Variants in GABRQ observed in about 807,000 individuals in gnomAD.
The protein encoded by GABRQ is gamma-aminobutyric acid type A receptor subunit theta.
Under a neutral mutation model 30.5 loss-of-function variants are expected in GABRQ, and 19 were observed. That is an observed-to-expected ratio of 0.62 (90% confidence interval 0.43 to 0.91). The LOEUF is 0.91. Among genes scored for constraint, GABRQ ranks in the 40% least tolerant of loss-of-function variants. GABRQ has a pLI of 0.00. For missense variants in GABRQ, 520 were observed against 521.4 expected (o/e 1.00, Z 0.03); for synonymous variants, 187 against 210.2 (o/e 0.89, Z 0.95).
downstream of GABRQ, among the ~76,000 whole-genome samples, chrX:152,658,274 G>T (rs186769209): frequency 2.3e-3 from 252 of 111,685 alleles, no homozygotes; most frequent in African/African-American, 7.6e-3. Flanking sequence ...CCCAGGCTAG[G>T]TGCTCAAAGC....
At position 152,654,371 on chromosome X, in the gene GABRQ, A is replaced by G. The variant is rs1335851818; in HGVS notation, c.*1090A>G. On this transcript the variant is annotated 3_prime_UTR_variant, in exon 9 of 9. Transcript: ENST00000598523. Reference sequence around the variant, plus strand: ...GAGCCTCACAGGAGCCCTGTAAGCCAGGGAAGGCAAAGCACATTGTCCCCA... The same window carrying G: ...GAGCCTCACAGGAGCCCTGTAAGCCGGGGAAGGCAAAGCACATTGTCCCCA... The G allele has an allele frequency of 1.8e-5, 2 of 112,196 alleles. No homozygotes were observed. Among genetic ancestry groups the G allele is most frequent in the African/African-American group, 6.5e-5 (2 of 30,849 alleles). 9.2% of individuals were successfully genotyped at this position (112,196 alleles called of 1,213,427 possible). A position where few individuals can be genotyped will look rare whatever the true frequency, so the allele number is the denominator to read the frequency against.
At chrX:152,648,753 T>C (rs921711494) in intron 4 of GABRQ, among the ~76,000 whole-genome samples, 1 of 112,182 alleles carries the variant, frequency 8.9e-6, no homozygotes, top group African/African-American at 3.2e-5. Flanking sequence ...ACCACAGATA[T>C]GTTTATCCCT....
downstream of GABRQ, among the ~76,000 whole-genome samples, chrX:152,658,462 G>A (rs1556821395): frequency 8.9e-6 from 1 of 112,133 alleles, no homozygotes. Context: ...CCCCCATGTG[G>A]TCACAGGTAC....
intron 2 of GABRQ, among the ~76,000 whole-genome samples, chrX:152,644,552 A>C (rs1930840072): frequency 8.9e-6 from 1 of 112,227 alleles, no homozygotes; most frequent in Admixed American, 9.4e-5. Flanking sequence ...TGGACACATC[A>C]CACAATACAC....
chrX:152,646,026 G>T (rs1480718233), intron 3 of GABRQ, among the ~76,000 whole-genome samples: 1 of 112,606 alleles, frequency 8.9e-6, no homozygotes, highest in Non-Finnish European at 1.9e-5. Context: ...ATCAATCACA[G>T]TGGACTAAGA....
In GABRQ at chrX:152,654,252, A is replaced by C. The variant is rs1556820892; in HGVS notation, c.*971A>C. On this transcript the variant is annotated 3_prime_UTR_variant, in exon 9 of 9. Coordinates refer to ENST00000598523, the MANE Select transcript of GABRQ (RefSeq NM_018558.4). ...ATTTTACCATCTGATCTAGACTAGCAGATGAATATCTATCGTAAGTCTATA... is the reference window on the plus strand; with the variant it reads ...ATTTTACCATCTGATCTAGACTAGCCGATGAATATCTATCGTAAGTCTATA... 1.8e-5 allele frequency: 2 copies of C among 112,206 alleles called. No individual in the cohort carries two copies. The highest frequency in any genetic ancestry group is 6.5e-5 in the African/African-American group (2 of 30,850). 9.2% of individuals were successfully genotyped at this position (112,206 alleles called of 1,213,427 possible).
Position 152,652,594 on chromosome X carries a change from G to C in GABRQ, c.1212G>C (p.Ala404=). ...DGVSSLPITP[A]QAPLASPESL... is the part of the protein sequence containing the mutation. ...TCAGCTCTCTCCCCATCACCCCAGC[G>C]CAGGCCCCCCTGGCAAGCCCGGAAA... Residue 404 remains alanine (A), a synonymous_variant, in exon 9 of 9, where the codon GCG becomes GCC. Transcript: ENST00000598523. 2 of 1,209,438 alleles carry C rather than the reference G, an allele frequency of 1.7e-6. No homozygotes were observed. Among genetic ancestry groups the C allele is most frequent in the Non-Finnish European group, 2.2e-6 (2 of 893,488 alleles).
chrX:152,658,848 C>T (rs782691194), downstream of GABRQ, among the ~76,000 whole-genome samples: 7 of 111,649 alleles, frequency 6.3e-5, no homozygotes, highest in Admixed American at 9.5e-5. Flanking sequence ...GGCCAGGCCT[C>T]GAGAAATCCC....
intron 2 of GABRQ, 51 bp downstream of exon 2, chrX:152,640,517 A>T (rs782094113): frequency 9.4e-6 from 7 of 745,102 alleles, no homozygotes; most frequent in Non-Finnish European, 1.5e-5. Context: ...CCTAGAGCTG[A>T]GACACAGCAA....
At chrX:152,641,506 G>C (rs1556818411) in intron 2 of GABRQ, among the ~76,000 whole-genome samples, 2 of 112,343 alleles carry the variant, frequency 1.8e-5, no homozygotes, top group Non-Finnish European at 3.8e-5. Flanking sequence ...TTTGGCCTGG[G>C]GAGCGCCACC....
At chrX:152,651,903 C>T (rs1179870054) in intron 8 of GABRQ, 121 bp downstream of exon 8, 14 of 580,054 alleles carry the variant, frequency 2.4e-5, no homozygotes, top group East Asian at 6.6e-5. Context: ...TGCGCGCACA[C>T]GCAAAACACA....
At chrX:152,658,771 G>C (rs1288810309), downstream of GABRQ, among the ~76,000 whole-genome samples, 2 of 112,035 alleles carry the variant, frequency 1.8e-5, no homozygotes, top group Non-Finnish European at 3.8e-5. Context: ...GCTACTGTTG[G>C]TCTGCCTCTC....
chrX:152,638,259 G>C lies in GABRQ; in HGVS notation c.57G>C (p.Trp19Cys), dbSNP rs1316123802. The change falls in exon 1 of 9, where the codon TGG becomes TGC. Residue 19 changes from tryptophan (W) to cysteine (C), a missense_variant. Physicochemically the swap from Trp to Cys is radical, Grantham distance 215 (BLOSUM62 -2). Transcript: ENST00000598523. ...TGATCCTGCTGCTCATCAGGACCTG[G>C]CTCGCGGAGGGCAACTACCCCAGTC... ...AAVILLLIRT[W>C]LAEGNYPSPI... 1 of 1,208,779 alleles carries C rather than the reference G, an allele frequency of 8.3e-7. No homozygotes were observed. Among genetic ancestry groups the C allele is most frequent in the East Asian group, 3.0e-5 (1 of 33,751 alleles).
At chrX:152,649,444 TC>T in intron 5 of GABRQ, 111 bp downstream of exon 5, 1 of 512,371 alleles carries the variant, frequency 2.0e-6, no homozygotes, top group Non-Finnish European at 3.5e-6. Context: ...GCTCCCTCCC[TC>T]CCCCCATTCT....
rs192341563 is a variant in GABRQ, at chrX:152,651,506, C to T, written c.902-20C>T. The T allele has an allele frequency of 5.8e-6, 7 of 1,197,564 alleles. No homozygotes were observed. Among genetic ancestry groups the T allele is most frequent in the African/African-American group, 1.8e-5 (1 of 57,118 alleles). On this transcript the variant is annotated intron_variant, in intron 7 of 8. Coordinates refer to ENST00000598523, the MANE Select transcript of GABRQ (RefSeq NM_018558.4). ...CGTTAGCCATCAGAGGAGACTAAGT[C>T]TGTACTGTGTTGCTTACAGGCTTAA...
chrX:152,650,013 A>T, intron 6 of GABRQ, 134 bp downstream of exon 6: 1 of 502,367 alleles, frequency 2.0e-6, no homozygotes, highest in Admixed American at 3.3e-5. Flanking sequence ...GGCCCCCTTA[A>T]GAAAGCCCCA....
Position 152,643,016 on chromosome X carries a change from G to C in GABRQ, c.239-2511G>C, listed in dbSNP as rs1213138647. ...CTAGGAGTCCTTGGACAGGTTTCTG[G>C]CCTAGCCCTTCGGGGTCGCCAGCAT... On this transcript the variant is annotated intron_variant, in intron 2 of 8. Transcript: ENST00000598523. Among the ~76,000 whole-genome samples the C allele has an allele frequency of 2.7e-5, 3 of 112,363 alleles. No homozygotes were observed. In the East Asian group the frequency reaches 8.4e-4, roughly 31 times the overall value.
intron 8 of GABRQ, among the ~76,000 whole-genome samples, chrX:152,652,109 G>A (rs971083723): frequency 8.9e-6 from 1 of 112,728 alleles, no homozygotes; most frequent in African/African-American, 3.2e-5. Flanking sequence ...AGACTGAAAG[G>A]AAGACAGACA....
downstream of GABRQ, among the ~76,000 whole-genome samples, chrX:152,658,862 C>T (rs1931197751): frequency 8.9e-6 from 1 of 111,834 alleles, no homozygotes; most frequent in African/African-American, 3.3e-5. Context: ...AAATCCCACC[C>T]TGATACACTC....
Sources: gnomAD v4.1 joint callset for allele counts (sites outside exome capture counted in the v4.1 genomes callset) on GRCh38, gnomAD v4.1.1 for gene constraint, MANE v1.5 for transcripts, NCBI Gene and HGNC (gene_info 2026-07-23, HGNC 2026-07-21) for gene names.